MTMR10: variants seen among roughly 807,000 people sequenced by gnomAD.
MTMR10 encodes the protein myotubularin-related protein 10.
A neutral mutation model predicts 88.1 loss-of-function variants in MTMR10; 56 were observed. The ratio of observed to expected loss-of-function variants is 0.64; its 90% CI spans 0.51 to 0.79. The LOEUF (loss-of-function observed/expected upper bound fraction) is 0.79. MTMR10 is among the 30% of genes least tolerant of loss of function. The probability of loss-of-function intolerance (pLI) is 0.00; values close to 1 mark genes in which losing one functional copy is unlikely to be tolerated. For missense variants in MTMR10, 883 were observed against 924.7 expected, an observed-to-expected ratio of 0.95 and a Z score of 0.58; for synonymous variants, 380 against 340.9, an observed-to-expected ratio of 1.11 and a Z score of -1.26.
At position 30,954,865 on chromosome 15, in the gene MTMR10, G is replaced by C. The variant is rs745569259; in HGVS notation, c.964C>G (p.Pro322Ala). Residue 322 changes from proline (P) to alanine (A), a missense_variant, in exon 10 of 16, where the codon CCA becomes GCA. Physicochemically the swap from Pro to Ala is conservative, Grantham distance 27 (BLOSUM62 -1). Coordinates refer to ENST00000435680, the MANE Select transcript of MTMR10 (RefSeq NM_017762.3). ...GATTTGTAAACATCACTTCTCTGTG[G>C]GTGACTTTTAGTTATTGCATTACAA... ...RICNAITKSH[P>A]QRSDVYKSDL... 1.0e-5 allele frequency: 16 copies of C among 1,559,932 alleles called. No individual in the cohort carries two copies. The Admixed American group carries it at 1.9e-4, about 19-fold the overall frequency.
At chr15:30,976,596 GATAA>G (rs927420061) in intron 3 of MTMR10, among the ~76,000 whole-genome samples, 20 of 152,132 alleles carry the variant, frequency 1.3e-4, no homozygotes, top group Non-Finnish European at 2.2e-4. Flanking sequence ...GATCACAGAG[GATAA>G]ATAAAGCAAG....
At chr15:30,991,401 G>T in intron 1 of MTMR10, 46 bp downstream of exon 1, 1 of 1,431,342 alleles carries the variant, frequency 7.0e-7, no homozygotes. Flanking sequence ...GAGGCTCCAC[G>T]GAAGCGCAGA....
rs2031326585 is a variant in MTMR10, at chr15:30,991,462, G to A, written c.45C>T (p.Leu15=). 3 of 1,505,578 alleles carry A rather than the reference G, an allele frequency of 2.0e-6. No homozygotes were observed. Among genetic ancestry groups the A allele is most frequent in the Non-Finnish European group, 2.6e-6 (3 of 1,133,768 alleles). The allele number at this position is 1,505,578 out of a possible 1,614,324, so 93.3% of individuals were successfully genotyped here. The change falls in exon 1 of 16, where the codon CTC becomes CTT. Residue 15 remains leucine (L), a synonymous_variant. Transcript: ENST00000435680. ...KPPKPTFRSY[L]LPPPQTDDKI... ...GGTTGTTTACCTGGGGCGGTGGCAG[G>A]AGGTAGGACCTGAAGGTGGGTTTGG...
At chr15:30,969,272 A>C (rs1204353242) in intron 5 of MTMR10, among the ~76,000 whole-genome samples, 1 of 152,062 alleles carries the variant, frequency 6.6e-6, no homozygotes, top group African/African-American at 2.4e-5. Context: ...AAGAAAAAAA[A>C]AACTGCTTCT....
chr15:30,926,524 A>G, the MTMR10 span: 8 of 591,696 alleles, frequency 1.4e-5, no homozygotes, highest in Non-Finnish European at 1.7e-5. Context: ...ATAGAAAGAC[A>G]ACCACAAGAT....
chr15:30,951,212 T>TAC (rs1449315221), intron 12 of MTMR10, among the ~76,000 whole-genome samples: 1 of 152,262 alleles, frequency 6.6e-6, no homozygotes, highest in Admixed American at 6.5e-5. Flanking sequence ...CGTTTATTCC[T>TAC]ACCAAATATT....
chr15:30,935,442 A>G (rs1357035310), downstream of MTMR10, among the ~76,000 whole-genome samples: 2 of 152,236 alleles, frequency 1.3e-5, no homozygotes, highest in Non-Finnish European at 2.9e-5. Flanking sequence ...AGTATTTGGA[A>G]AAAAGAAAAA....
In MTMR10 at chr15:30,940,075, A is replaced by G. The variant is rs762145009; in HGVS notation, c.*1395T>C. 5.5e-5 allele frequency: 54 copies of G among 983,114 alleles called. No individual in the cohort carries two copies. The South Asian group carries it at 1.6e-3, about 28-fold the overall frequency. 60.9% of individuals were successfully genotyped at this position (983,114 alleles called of 1,614,324 possible). A position where few individuals can be genotyped will look rare whatever the true frequency, so the allele number is the denominator to read the frequency against. On this transcript the variant is annotated 3_prime_UTR_variant, in exon 16 of 16. Coordinates refer to ENST00000435680, the MANE Select transcript of MTMR10 (RefSeq NM_017762.3). Reference sequence around the variant, plus strand: ...GAAAACACTTGTTTTAGAAAAGGAAATAAGCTAACTAGACACTTTACTATA... The same window carrying G: ...GAAAACACTTGTTTTAGAAAAGGAAGTAAGCTAACTAGACACTTTACTATA...
chr15:30,933,485 A>T, the MTMR10 span, among the ~76,000 whole-genome samples: 2 of 152,214 alleles, frequency 1.3e-5, no homozygotes, highest in Non-Finnish European at 2.9e-5. Flanking sequence ...TTCAGAGGAC[A>T]TATTTTGTAT....
intron 9 of MTMR10, among the ~76,000 whole-genome samples, chr15:30,955,895 G>T (rs2063320537): frequency 6.6e-6 from 1 of 151,766 alleles, no homozygotes; most frequent in African/African-American, 2.4e-5. Context: ...TGTGCCATGG[G>T]GTCTCTAGAT....
rs1237620740 is a variant in MTMR10 at position 30,959,063 on chromosome 15, A to C, written c.817T>G (p.Ser273Ala). The change falls in exon 8 of 16, where the codon TCC becomes GCC. Residue 273 changes from serine (S) to alanine (A), a missense_variant. Transcript: ENST00000435680. ...SLADQDLKIF[S>A]HSFVGRRMPL... ...ATCCTTCTCCCAACAAAAGAATGGGAAAAGATCTTTAGATCTTGGTCTGCT... is the reference window on the plus strand; with the variant it reads ...ATCCTTCTCCCAACAAAAGAATGGGCAAAGATCTTTAGATCTTGGTCTGCT... 1 of 1,613,192 alleles carries C rather than the reference A, an allele frequency of 6.2e-7. No individual in the cohort carries two copies. Among genetic ancestry groups the C allele is most frequent in the East Asian group, 2.2e-5 (1 of 44,880 alleles).
In MTMR10 at chr15:30,939,389, ACTG is replaced by A; in HGVS notation, c.*2078_*2080del. ...CTAGTGCGCCCTGTGCAGCCACACC[ACTG>A]CTGTCACCACATGTCCCTCTGACGG... On this transcript the variant is annotated 3_prime_UTR_variant, in exon 16 of 16. Coordinates refer to ENST00000435680, the MANE Select transcript of MTMR10 (RefSeq NM_017762.3). 3 of 985,430 alleles carry A rather than the reference ACTG, an allele frequency of 3.0e-6. No individual in the cohort carries two copies. The highest frequency in any genetic ancestry group is 3.6e-6 in the Non-Finnish European group (3 of 829,946). 61.0% of individuals were successfully genotyped at this position (985,430 alleles called of 1,614,324 possible). A position where few individuals can be genotyped will look rare whatever the true frequency, so the allele number is the denominator to read the frequency against.
intron 12 of MTMR10, chr15:30,949,641 AAC>A (rs1243861337): frequency 6.6e-6 from 1 of 152,238 alleles, no homozygotes; most frequent in Non-Finnish European, 1.5e-5. Flanking sequence ...TACATAATAA[AAC>A]ACTGCTGATA....
At chr15:30,978,683 T>C (rs913648767) in intron 2 of MTMR10, among the ~76,000 whole-genome samples, 2 of 152,140 alleles carry the variant, frequency 1.3e-5, no homozygotes, top group Admixed American at 6.5e-5. Flanking sequence ...GATAAAGGAT[T>C]TGCACCCAAA....
At chr15:30,943,441 G>C in intron 14 of MTMR10, 1 of 985,176 alleles carries the variant, frequency 1.0e-6, no homozygotes, top group Non-Finnish European at 1.2e-6. Flanking sequence ...CACACGGTCA[G>C]TACATTTAAG....
rs2063361046 is a variant in MTMR10, at chr15:30,958,809, T to A, written c.935+54A>T. 7 of 1,560,068 alleles carry A rather than the reference T, an allele frequency of 4.5e-6. No homozygotes were observed. The South Asian group carries it at 7.8e-5, about 17-fold the overall frequency. On this transcript the variant is annotated intron_variant, in intron 9 of 15. Coordinates refer to ENST00000435680, the MANE Select transcript of MTMR10 (RefSeq NM_017762.3). ...TTTTCAATTAGTAGGGAACTCACTG[T>A]AGTTACACAACAAGTAAAACTATCT...
chr15:30,921,029 C>T, the MTMR10 span, among the ~76,000 whole-genome samples: 1 of 152,176 alleles, frequency 6.6e-6, no homozygotes, highest in Non-Finnish European at 1.5e-5. Context: ...AGTGATTTGC[C>T]CACCTTGGCC....
At chr15:30,962,403 T>G (rs2063414141) in intron 6 of MTMR10, among the ~76,000 whole-genome samples, 1 of 152,198 alleles carries the variant, frequency 6.6e-6, no homozygotes, top group Non-Finnish European at 1.5e-5. Context: ...CTGCTGCATT[T>G]AAACCAGCCA....
chr15:30,925,128 C>CT, the MTMR10 span: 2 of 1,612,294 alleles, frequency 1.2e-6, no homozygotes, highest in Non-Finnish European at 1.7e-6. Flanking sequence ...CTCTGCCAGA[C>CT]TATCAAGTGC....
Sources: allele counts gnomAD v4.1 joint callset (sites outside exome capture counted in the v4.1 genomes callset), GRCh38; gene constraint gnomAD v4.1.1; transcripts MANE v1.5; gene names NCBI Gene and HGNC (gene_info 2026-07-23, HGNC 2026-07-21).